Variants in RABGAP1 observed in about 807,000 individuals in gnomAD.
The protein encoded by RABGAP1 is RAB GTPase activating protein 1.
Under a neutral mutation model 137.6 loss-of-function variants are expected in RABGAP1, and 23 were observed. The ratio of observed to expected loss-of-function variants is 0.17; its 90% CI spans 0.12 to 0.24. The LOEUF is 0.24. Among genes scored for constraint, RABGAP1 ranks in the 10% least tolerant of loss-of-function variants. RABGAP1 has a pLI of 1.00. For missense variants in RABGAP1, 906 were observed against 1,275.8 expected, an observed-to-expected ratio of 0.71 and a Z score of 4.42; for synonymous variants, 451 against 450.7, an observed-to-expected ratio of 1.00 and a Z score of -0.01.
At chr9:122,996,211 C>G in intron 7 of RABGAP1, 60 bp downstream of exon 7, 2 of 1,554,252 alleles carry the variant, frequency 1.3e-6, no homozygotes, top group Non-Finnish European at 1.7e-6. Flanking sequence ...AATCTAATGG[C>G]ATAGTTTTAC....
intron 2 of RABGAP1, among the ~76,000 whole-genome samples, chr9:122,958,157 G>T (rs927153857): frequency 2.0e-5 from 3 of 152,120 alleles, no homozygotes; most frequent in South Asian, 2.1e-4. Context: ...AGCCGGGCAG[G>T]GGTGAGGGCA....
intron 1 of RABGAP1, among the ~76,000 whole-genome samples, chr9:122,949,319 C>G (rs191019171): frequency 3.9e-5 from 6 of 152,196 alleles, no homozygotes; most frequent in Non-Finnish European, 8.8e-5. Flanking sequence ...TTGAGACCAG[C>G]CTGGCCAACA....
intron 24 of RABGAP1, among the ~76,000 whole-genome samples, chr9:123,100,279 G>A (rs1033395942): frequency 1.3e-4 from 20 of 152,140 alleles, no homozygotes; most frequent in Non-Finnish European, 2.9e-5. Context: ...CAGCTCAGAG[G>A]ACAGGAACTT....
chr9:122,988,100 G>A (rs747312972), intron 4 of RABGAP1, among the ~76,000 whole-genome samples: 3 of 152,046 alleles, frequency 2.0e-5, no homozygotes, highest in Non-Finnish European at 4.4e-5. Flanking sequence ...AATGTGTTTA[G>A]CACTCATTTC....
chr9:122,973,175 T>C (rs537267501), intron 2 of RABGAP1, among the ~76,000 whole-genome samples: 1 of 152,300 alleles, frequency 6.6e-6, no homozygotes, highest in Non-Finnish European at 1.5e-5. Context: ...TACCCAAAGA[T>C]ACTCTATAAA....
At chr9:123,089,179 C>T (rs1294965687) in intron 19 of RABGAP1, among the ~76,000 whole-genome samples, 1 of 152,044 alleles carries the variant, frequency 6.6e-6, no homozygotes, top group Non-Finnish European at 1.5e-5. Context: ...TTGAAAGCAG[C>T]ACAGAAGAAG....
chr9:122,936,937 A>G (rs1430030284), upstream of RABGAP1, among the ~76,000 whole-genome samples: 1 of 152,250 alleles, frequency 6.6e-6, no homozygotes, highest in African/African-American at 2.4e-5. Context: ...TCCCCAGCAC[A>G]GAGACAATTA....
At chr9:123,039,461 C>T (rs919000137) in intron 13 of RABGAP1, among the ~76,000 whole-genome samples, 3 of 152,182 alleles carry the variant, frequency 2.0e-5, no homozygotes, top group African/African-American at 7.2e-5. Flanking sequence ...CATGTAGTCA[C>T]ACCAGCCTTC....
intron 19 of RABGAP1, among the ~76,000 whole-genome samples, chr9:123,079,204 T>TTG (rs1191932058): frequency 1.0e-5 from 1 of 96,126 alleles, no homozygotes; most frequent in Non-Finnish European, 3.1e-5. Flanking sequence ...GCTTTTGTTG[T>TTG]TGTTGTTTGT....
At chr9:122,981,431 A>G (rs1299767451) in intron 2 of RABGAP1, among the ~76,000 whole-genome samples, 1 of 152,228 alleles carries the variant, frequency 6.6e-6, no homozygotes, top group Non-Finnish European at 1.5e-5. Context: ...TGTTCATTTC[A>G]TACTCCCTAG....
chr9:123,035,638 CCGTGTGTG>C (rs755537946), intron 13 of RABGAP1: 10 of 1,159,200 alleles, frequency 8.6e-6, no homozygotes, highest in Non-Finnish European at 1.1e-5. Context: ...TACGGGGTTC[CCGTGTGTG>C]TGTGTGTGTG....
At chr9:123,056,556 T>C (rs1262608084) in intron 13 of RABGAP1, among the ~76,000 whole-genome samples, 2 of 147,294 alleles carry the variant, frequency 1.4e-5, no homozygotes, top group Non-Finnish European at 3.0e-5. Flanking sequence ...CATGGGACAA[T>C]AGTGGAGGGA....
rs185416561 is a variant in RABGAP1, at chr9:123,069,778, G to A, written c.1909-572G>A. ...GCAAGCCTGTGGTCCAGGCTACTCA[G>A]GAGGCTGATGGAGCAGGATCCCTTG... On this transcript the variant is annotated intron_variant, in intron 14 of 25. Coordinates refer to ENST00000373647, the MANE Select transcript of RABGAP1 (RefSeq NM_012197.4). Among the ~76,000 whole-genome samples the A allele has an allele frequency of 3.9e-5, 6 of 152,270 alleles. No homozygotes were observed. The East Asian group carries it at 9.6e-4, about 24-fold the overall frequency.
chr9:122,946,169 CT>C, intron 1 of RABGAP1: 1 of 152,224 alleles, frequency 6.6e-6, no homozygotes. Flanking sequence ...CACGTATCTT[CT>C]GCCAAACATT....
At chr9:122,956,649 C>CAAAAA (rs10661742) in intron 1 of RABGAP1, among the ~76,000 whole-genome samples, 1 of 121,542 alleles carries the variant, frequency 8.2e-6, no homozygotes, top group African/African-American at 3.3e-5. Context: ...GACTCCGTCT[C>CAAAAA]AAAAAAAAAA....
Position 123,025,543 on chromosome 9 carries a change from C to CT in RABGAP1, c.1794+5101dup, listed in dbSNP as rs577474947. Reference sequence around the variant, plus strand: ...TTTTATTTGTTCAGATCTTTCTTTTCTTTTTTTTTTTTTTTTTGCCTTCAA... The same window carrying CT: ...TTTTATTTGTTCAGATCTTTCTTTTCTTTTTTTTTTTTTTTTTTGCCTTCAA... On this transcript the variant is annotated intron_variant, in intron 13 of 25. Transcript: ENST00000373647. Among the ~76,000 whole-genome samples the CT allele has an allele frequency of 8.9e-3, 666 of 75,016 alleles. 32 individuals are homozygous for CT. Among genetic ancestry groups the CT allele is most frequent in the African/African-American group, 0.025 (551 of 22,438 alleles). 49.2% of individuals were successfully genotyped at this position (75,016 alleles called of 152,430 possible).
chr9:123,092,643 A>ATG (rs10658294), intron 21 of RABGAP1, among the ~76,000 whole-genome samples: 94,511 of 151,932 alleles, frequency 0.62, 36,619 homozygotes, highest in Non-Finnish European at 0.86. Context: ...TATCAAAAAC[A>ATG]TGAGGACCAG....
chr9:122,938,833 A>T (rs1833434987), upstream of RABGAP1: 2 of 152,218 alleles, frequency 1.3e-5, no homozygotes, highest in Admixed American at 1.3e-4. Context: ...TTGTTCAAGA[A>T]ATACAAGGCT....
intron 10 of RABGAP1, among the ~76,000 whole-genome samples, chr9:123,008,357 A>C (rs1174348759): frequency 6.6e-6 from 1 of 152,100 alleles, no homozygotes; most frequent in Non-Finnish European, 1.5e-5. Context: ...CAGCCTGGCC[A>C]ACATGGTGAA....
Sources: allele counts gnomAD v4.1 joint callset (sites outside exome capture counted in the v4.1 genomes callset), GRCh38; gene constraint gnomAD v4.1.1; transcripts MANE v1.5; gene names NCBI Gene and HGNC (gene_info 2026-07-23, HGNC 2026-07-21).